AGMO: variants seen among roughly 807,000 people sequenced by gnomAD.
AGMO encodes alkylglycerol monooxygenase, also known as glyceryl-ether monooxygenase.
A neutral mutation model predicts 60.2 loss-of-function variants in AGMO; 75 were observed. The observed-to-expected ratio is 1.25, with a 90% CI of 1.03 to 1.51. The LOEUF is 1.51. AGMO is among the 40% of genes most tolerant of loss of function. The probability of loss-of-function intolerance (pLI) is 0.00; values close to 1 mark genes in which losing one functional copy is unlikely to be tolerated. For synonymous variants in AGMO, 261 were observed against 177.1 expected (o/e 1.47, Z -3.76); for missense variants, 763 against 525.5 (o/e 1.45, Z -4.42).
At chr7:15,550,007 G>T (rs1230517677) in intron 2 of AGMO, among the ~76,000 whole-genome samples, 1 of 151,832 alleles carries the variant, frequency 6.6e-6, no homozygotes, top group African/African-American at 2.4e-5. Flanking sequence ...TCAGGATTAA[G>T]AATCTCACTC....
chr7:15,196,657 G>C (rs1021813615), downstream of AGMO, among the ~76,000 whole-genome samples: 51 of 152,266 alleles, frequency 3.3e-4, no homozygotes, highest in African/African-American at 1.2e-3. Context: ...GTTCCCAACA[G>C]TCATTTCCGT....
chr7:15,322,603 A>T (rs1319130801), intron 12 of AGMO, among the ~76,000 whole-genome samples: 56 of 26,994 alleles, frequency 2.1e-3, no homozygotes, highest in Admixed American at 4.0e-3. Flanking sequence ...AATATATATA[A>T]ATATATATAA....
chr7:15,558,124 T>G (rs1785199869), intron 2 of AGMO, among the ~76,000 whole-genome samples: 2 of 151,800 alleles, frequency 1.3e-5, no homozygotes, highest in South Asian at 4.1e-4. Context: ...AAAATAACAC[T>G]GCTAAGCAAA....
At chr7:15,364,851 A>G (rs1782909894) in intron 12 of AGMO, among the ~76,000 whole-genome samples, 1 of 152,074 alleles carries the variant, frequency 6.6e-6, no homozygotes, top group Non-Finnish European at 1.5e-5. Flanking sequence ...TGATGTTGGC[A>G]GGTGTCTTGG....
At position 15,561,207 on chromosome 7, in the gene AGMO, G is replaced by T. The variant is rs993121849; in HGVS notation, c.126+513C>A. Among the ~76,000 whole-genome samples the T allele has an allele frequency of 2.6e-5, 4 of 152,252 alleles. No individual in the cohort carries two copies. In the South Asian group the frequency reaches 6.2e-4, roughly 24 times the overall value. Reference sequence around the variant, plus strand: ...TAGCCAGGAACCAGAAGTGAAATGTGCCTCTGAGCACTTCAGAGTTTCAAA... The same window carrying T: ...TAGCCAGGAACCAGAAGTGAAATGTTCCTCTGAGCACTTCAGAGTTTCAAA... On this transcript the variant is annotated intron_variant, in intron 1 of 12. Transcript: ENST00000342526.
chr7:15,558,346 G>A (rs1206107612), intron 2 of AGMO, among the ~76,000 whole-genome samples: 1 of 151,842 alleles, frequency 6.6e-6, no homozygotes, highest in South Asian at 2.1e-4. Context: ...CGTATATACA[G>A]GGCAATTTTC....
At chr7:15,186,751 A>C in the AGMO span, among the ~76,000 whole-genome samples, 1 of 152,318 alleles carries the variant, frequency 6.6e-6, no homozygotes, top group East Asian at 1.9e-4. Flanking sequence ...GGGCCTAACC[A>C]GATCCCAGTT....
intron 12 of AGMO, among the ~76,000 whole-genome samples, chr7:15,324,267 C>G (rs958339158): frequency 6.6e-6 from 1 of 152,096 alleles, no homozygotes; most frequent in Admixed American, 6.6e-5. Context: ...AAAACTGCAT[C>G]AGTATCTCAG....
chr7:15,339,312 A>ATT (rs1406119767), intron 12 of AGMO, among the ~76,000 whole-genome samples: 3 of 152,282 alleles, frequency 2.0e-5, no homozygotes, highest in Admixed American at 2.0e-4. Flanking sequence ...ACTTATTACT[A>ATT]TTTACAGAAT....
At chr7:15,371,166 A>G (rs1476267019) in intron 10 of AGMO, among the ~76,000 whole-genome samples, 3 of 152,182 alleles carry the variant, frequency 2.0e-5, no homozygotes, top group Non-Finnish European at 4.4e-5. Context: ...AAAACCCTAG[A>G]AGAAAACATT....
chr7:15,311,192 A>G (rs1204277532), intron 12 of AGMO, among the ~76,000 whole-genome samples: 2 of 152,206 alleles, frequency 1.3e-5, no homozygotes, highest in African/African-American at 2.4e-5. Flanking sequence ...AAAAAAAATT[A>G]TCAAAAGCAC....
chr7:15,357,690 G>C (rs1366449059), intron 12 of AGMO, among the ~76,000 whole-genome samples: 2 of 152,200 alleles, frequency 1.3e-5, no homozygotes, highest in African/African-American at 4.8e-5. Context: ...ACTAGAGGGT[G>C]AGAGGCTATG....
intron 6 of AGMO, 31 bp downstream of exon 6, chr7:15,394,079 TGAA>T (rs748678920): frequency 1.1e-5 from 16 of 1,497,586 alleles, no homozygotes; most frequent in Admixed American, 1.7e-5. Flanking sequence ...TTTAGAGAAA[TGAA>T]GAAAAGAGAG....
At chr7:15,299,752 C>T (rs1784507539) in intron 12 of AGMO, among the ~76,000 whole-genome samples, 3 of 151,482 alleles carry the variant, frequency 2.0e-5, no homozygotes, top group African/African-American at 2.4e-5. Flanking sequence ...TGCTCGAACC[C>T]GGGAGGTGGA....
At chr7:15,386,142 C>G (rs1426356508) in intron 9 of AGMO, among the ~76,000 whole-genome samples, 2 of 151,584 alleles carry the variant, frequency 1.3e-5, no homozygotes, top group Non-Finnish European at 2.9e-5. Flanking sequence ...GACTGCATGA[C>G]TGTTCTCCAA....
intron 12 of AGMO, among the ~76,000 whole-genome samples, chr7:15,232,184 A>G (rs550217577): frequency 2.0e-5 from 3 of 152,164 alleles, no homozygotes; most frequent in African/African-American, 7.2e-5. Flanking sequence ...CCTACGCTCT[A>G]CATTATCCAT....
Position 15,336,069 on chromosome 7 carries a change from G to A in AGMO, c.1263+29445C>T, listed in dbSNP as rs139031353. On this transcript the variant is annotated intron_variant, in intron 12 of 12. Coordinates refer to ENST00000342526, the MANE Select transcript of AGMO (RefSeq NM_001004320.2). ...TAATCTGAAAGCTAACAGGTTGTCC[G>A]CTATGTGAGGCTAATTCAACTACTA... 6.8e-4 allele frequency among the ~76,000 whole-genome samples: 103 copies of A among 152,192 alleles called. No homozygotes were observed. In the East Asian group the frequency reaches 7.7e-3, roughly 11 times the overall value.
At chr7:15,348,461 G>T (rs555296818) in intron 12 of AGMO, among the ~76,000 whole-genome samples, 61 of 152,166 alleles carry the variant, frequency 4.0e-4, no homozygotes, top group African/African-American at 1.4e-3. Context: ...ATGAAAGAAA[G>T]TTGTATGAAG....
intron 3 of AGMO, among the ~76,000 whole-genome samples, chr7:15,466,536 C>A (rs181001583): frequency 1.1e-4 from 16 of 152,172 alleles, no homozygotes; most frequent in East Asian, 3.9e-4. Flanking sequence ...GATTAAGGAA[C>A]TTGCCTAGGG....
Sources: allele counts gnomAD v4.1 joint callset (sites outside exome capture counted in the v4.1 genomes callset), GRCh38; gene constraint gnomAD v4.1.1; transcripts MANE v1.5; gene names NCBI Gene and HGNC (gene_info 2026-07-23, HGNC 2026-07-21).